ANKRD31: variants seen among roughly 807,000 people sequenced by gnomAD.
ANKRD31 encodes the protein ankyrin repeat domain 31.
ANKRD31 carries 147 observed loss-of-function variants against 186.0 expected under a neutral mutation model. That is an observed-to-expected ratio of 0.79 (90% confidence interval 0.69 to 0.91). The LOEUF is 0.91. Among genes scored for constraint, ANKRD31 ranks in the 40% least tolerant of loss-of-function variants. ANKRD31 has a pLI of 0.00. For synonymous variants in ANKRD31, 673 were observed against 736.4 expected, an observed-to-expected ratio of 0.91 and a Z score of 1.39; for missense variants, 1,986 against 2,148.8, an observed-to-expected ratio of 0.92 and a Z score of 1.50.
At chr5:75,136,283 C>T (rs991998145) in intron 17 of ANKRD31, among the ~76,000 whole-genome samples, 7 of 152,274 alleles carry the variant, frequency 4.6e-5, no homozygotes, top group Admixed American at 3.3e-4. Flanking sequence ...GGGCTAATAT[C>T]CAGACTCTAC....
intron 17 of ANKRD31, among the ~76,000 whole-genome samples, chr5:75,122,983 G>T (rs931483203): frequency 6.6e-6 from 1 of 152,074 alleles, no homozygotes; most frequent in African/African-American, 2.4e-5. Flanking sequence ...TTGGAAAAGA[G>T]GAAGTCAGAA....
chr5:75,071,804 C>T (rs1580264382), intron 25 of ANKRD31, among the ~76,000 whole-genome samples: 1 of 152,198 alleles, frequency 6.6e-6, no homozygotes, highest in African/African-American at 2.4e-5. Flanking sequence ...GGCCGAAAAA[C>T]TGTTCTTAAT....
chr5:75,081,415 T>C lies in ANKRD31; in HGVS notation c.5576-776A>G, dbSNP rs77965345. Among the ~76,000 whole-genome samples, 444 of 152,318 alleles carry C rather than the reference T, an allele frequency of 2.9e-3. 5 individuals are homozygous for C. In the East Asian group the frequency reaches 0.037, roughly 13 times the overall value. ...TAAATAAATAACAGGAAACTGTTTA[T>C]ATTACAGGCAACAGAAATAGCAGTT... On this transcript the variant is annotated intron_variant, in intron 24 of 25. Transcript: ENST00000506364.
chr5:75,128,063 G>C (rs979161582), intron 17 of ANKRD31, among the ~76,000 whole-genome samples: 2 of 152,066 alleles, frequency 1.3e-5, no homozygotes, highest in Admixed American at 6.5e-5. Flanking sequence ...GAAACAAAGA[G>C]AGCTTTCCTT....
rs1750709788 is a variant in ANKRD31, at chr5:75,137,774, G to A, written c.3876+82C>T. On this transcript the variant is annotated intron_variant, in intron 17 of 25. Coordinates refer to ENST00000506364, the MANE Select transcript of ANKRD31 (RefSeq NM_001372053.1). ...TCACTTGTTTTACTGAATCATTTTA[G>A]TTCTCAGTTTAAAAAATCTTCATTT... 3 of 1,228,196 alleles carry A rather than the reference G, an allele frequency of 2.4e-6. 1 individual carries two copies. The highest frequency in any genetic ancestry group is 3.1e-6 in the Non-Finnish European group (3 of 962,090). 76.1% of individuals were successfully genotyped at this position (1,228,196 alleles called of 1,614,324 possible). A position where few individuals can be genotyped will look rare whatever the true frequency, so the allele number is the denominator to read the frequency against.
chr5:75,079,698 G>A lies in ANKRD31; in HGVS notation c.5647+870C>T, dbSNP rs570168747. On this transcript the variant is annotated intron_variant, in intron 25 of 25. Transcript: ENST00000506364. ...ATCATGTTGGCCAGGCTGGTCTTCA[G>A]CTCCTGACCACAGGTGATCCACCCA... Among the ~76,000 whole-genome samples, 3 of 152,212 alleles carry A rather than the reference G, an allele frequency of 2.0e-5. No homozygotes were observed. The South Asian group carries it at 6.2e-4, about 32-fold the overall frequency.
At position 75,158,136 on chromosome 5, in the gene ANKRD31, C is replaced by T. The variant is rs1752320418; in HGVS notation, c.1708-3791G>A. On this transcript the variant is annotated intron_variant, in intron 11 of 25. Coordinates refer to ENST00000506364, the MANE Select transcript of ANKRD31 (RefSeq NM_001372053.1). Reference sequence around the variant, plus strand: ...TGCTAGAGAAGAAACTTCTGAGTTACTGGTCCCTGGCTAAATGTAGGCCAA... The same window carrying T: ...TGCTAGAGAAGAAACTTCTGAGTTATTGGTCCCTGGCTAAATGTAGGCCAA... Among the ~76,000 whole-genome samples the T allele has an allele frequency of 2.0e-5, 3 of 152,060 alleles. No homozygotes were observed. The South Asian group carries it at 6.2e-4, about 31-fold the overall frequency.
intron 1 of ANKRD31, among the ~76,000 whole-genome samples, chr5:75,232,400 A>G (rs1758004658): frequency 6.6e-6 from 1 of 152,116 alleles, no homozygotes; most frequent in Admixed American, 6.5e-5. Flanking sequence ...AGTAGCTGAG[A>G]TTACAAGTGC....
At chr5:75,221,453 G>T (rs972562437) in intron 3 of ANKRD31, among the ~76,000 whole-genome samples, 1 of 152,072 alleles carries the variant, frequency 6.6e-6, no homozygotes, top group Non-Finnish European at 1.5e-5. Context: ...ATACCATACA[G>T]GCTATATCTT....
At chr5:75,097,246 C>T (rs975615248) in intron 22 of ANKRD31, among the ~76,000 whole-genome samples, 4 of 152,214 alleles carry the variant, frequency 2.6e-5, no homozygotes, top group Admixed American at 6.5e-5. Context: ...CTGTCTTCCA[C>T]GATGGTTGAA....
Position 75,206,482 on chromosome 5 carries a change from C to A in ANKRD31, c.332G>T (p.Arg111Ile). 7.0e-7 allele frequency: 1 copy of A among 1,429,788 alleles called. No homozygotes were observed. Among genetic ancestry groups the A allele is most frequent in the Non-Finnish European group, 9.1e-7 (1 of 1,096,140 alleles). 88.6% of individuals were successfully genotyped at this position (1,429,788 alleles called of 1,614,324 possible). Residue 111 changes from arginine to isoleucine, a missense_variant, in exon 5 of 26, where the codon AGA becomes ATA. Physicochemically the swap from Arg to Ile is moderately conservative, Grantham distance 97 (BLOSUM62 -3). Coordinates refer to ENST00000506364, the MANE Select transcript of ANKRD31 (RefSeq NM_001372053.1). ...CCCAATGAACATTGAACAGTTTTTT[C>A]TAGTCCTAAAAAATCAATTAATAAA... ...TERNQALLQT[R>I]KNCSMFIGSF...
intron 24 of ANKRD31, among the ~76,000 whole-genome samples, chr5:75,083,404 T>C (rs1580287673): frequency 6.6e-6 from 1 of 152,256 alleles, no homozygotes; most frequent in East Asian, 1.9e-4. Flanking sequence ...TGTCTATTCA[T>C]AGCAGCACTA....
At chr5:75,191,120 C>T (rs765510312) in intron 9 of ANKRD31, among the ~76,000 whole-genome samples, 14 of 152,098 alleles carry the variant, frequency 9.2e-5, no homozygotes, top group Non-Finnish European at 1.5e-4. Context: ...GAAAGATTCA[C>T]TTACGCTTTC....
intron 5 of ANKRD31, among the ~76,000 whole-genome samples, chr5:75,204,396 TATAA>T (rs1435458411): frequency 1.3e-5 from 2 of 152,238 alleles, no homozygotes; most frequent in Non-Finnish European, 2.9e-5. Flanking sequence ...TGGCTTTACT[TATAA>T]ATAAATACCT....
intron 5 of ANKRD31, among the ~76,000 whole-genome samples, chr5:75,200,222 A>G (rs570567145): frequency 6.6e-6 from 1 of 152,128 alleles, no homozygotes; most frequent in Non-Finnish European, 1.5e-5. Flanking sequence ...ACAGCAATTC[A>G]CACCCAAGTT....
At chr5:75,227,168 C>G (rs960402441) in intron 2 of ANKRD31, among the ~76,000 whole-genome samples, 1 of 152,068 alleles carries the variant, frequency 6.6e-6, no homozygotes. Context: ...TGAAATAAGC[C>G]AGGAACAAAA....
chr5:75,079,283 A>G (rs1038608389), intron 25 of ANKRD31, among the ~76,000 whole-genome samples: 5 of 152,236 alleles, frequency 3.3e-5, no homozygotes, highest in African/African-American at 9.6e-5. Context: ...ATATGTAAAC[A>G]GATTGGATAT....
intron 25 of ANKRD31, among the ~76,000 whole-genome samples, chr5:75,070,272 A>T (rs1338575406): frequency 6.6e-6 from 1 of 152,184 alleles, no homozygotes; most frequent in East Asian, 1.9e-4. Flanking sequence ...TTTACATATT[A>T]ATTTAAATTC....
chr5:75,184,953 C>T (rs149109924), intron 10 of ANKRD31, among the ~76,000 whole-genome samples: 5,204 of 152,196 alleles, frequency 0.034, 100 homozygotes, highest in Non-Finnish European at 0.048. Flanking sequence ...GATATGGACT[C>T]AACCTAAGTG....
Sources: allele counts gnomAD v4.1 joint callset (sites outside exome capture counted in the v4.1 genomes callset), GRCh38; gene constraint gnomAD v4.1.1; transcripts MANE v1.5; gene names NCBI Gene and HGNC (gene_info 2026-07-23, HGNC 2026-07-21).